GRM2: variants seen among roughly 807,000 people sequenced by gnomAD.
GRM2 encodes the protein metabotropic glutamate receptor 2.
In GRM2, 35 loss-of-function variants were observed where a neutral mutation model predicts 60.4. The observed-to-expected ratio is 0.58, with a 90% CI of 0.44 to 0.77. The LOEUF is 0.77. GRM2 is among the 30% of genes least tolerant of loss of function. The pLI, the probability that GRM2 is intolerant of heterozygous loss-of-function variation, is 0.00. For synonymous variants in GRM2, 437 were observed against 484.1 expected, an observed-to-expected ratio of 0.90 and a Z score of 1.28; for missense variants, 925 against 1,199.5, an observed-to-expected ratio of 0.77 and a Z score of 3.38.
Position 51,717,797 on chromosome 3 carries a change from C to T in GRM2, c.2525C>T (p.Ala842Val), listed in dbSNP as rs148453920. The T allele has an allele frequency of 7.1e-4, 1,144 of 1,613,942 alleles. 4 individuals are homozygous for T. The highest frequency in any genetic ancestry group is 2.6e-3 in the South Asian group (233 of 91,058). Residue 842 changes from alanine to valine, a missense_variant, in exon 5 of 6, where the codon GCC becomes GTC. Transcript: ENST00000395052. This position sits in a 1 kb window ranked among gnomAD's most constrained non-coding sequence, Gnocchi z 6.0. ...TSRFGSAAAR[A>V]SSSLGQGSGS... is the part of the protein sequence containing the mutation. ...CGCTTTGGCAGTGCTGCTGCCAGGG[C>T]CAGCTCCAGCCTTGGCCAAGGTCAG...
At position 51,717,578 on chromosome 3, in the gene GRM2, G is replaced by T. The variant is rs1703947862; in HGVS notation, c.2365-59G>T. ...TCCCTCCCCCACAGATCAGGCAGGG[G>T]GTCCTGGGGTCAGGCCCAGGTCTTG... On this transcript the variant is annotated intron_variant, in intron 4 of 5. Transcript: ENST00000395052. The surrounding 1 kb of genome is among the most constrained non-coding windows in gnomAD (Gnocchi z 6.0). The T allele has an allele frequency of 2.2e-6, 3 of 1,381,342 alleles. No individual in the cohort carries two copies. Among genetic ancestry groups the T allele is most frequent in the Non-Finnish European group, 3.0e-6 (3 of 983,906 alleles). The allele number at this position is 1,381,342 out of a possible 1,614,324, so 85.6% of individuals were successfully genotyped here.
intron 3 of GRM2, 154 bp from the exon 4 acceptor site, chr3:51,714,908 G>A (rs1559695864): frequency 4.2e-6 from 2 of 478,760 alleles, no homozygotes; most frequent in East Asian, 3.3e-5. Context: ...AAAAATGATT[G>A]GGGTCAAGGC....
Position 51,715,610 on chromosome 3 carries a change from G to A in GRM2, c.1837G>A (p.Val613Ile), listed in dbSNP as rs766855976. 6.2e-7 allele frequency: 1 copy of A among 1,614,244 alleles called. No homozygotes were observed. The highest frequency in any genetic ancestry group is 1.1e-5 in the South Asian group (1 of 91,086). ...GCTCTGCTACATCCTGCTGGGTGGT[G>A]TCTTCCTCTGCTACTGCATGACCTT... ...RELCYILLGG[V>I]FLCYCMTFIF... is the part of the protein sequence containing the mutation. The change falls in exon 4 of 6, where the codon GTC becomes ATC. Residue 613 changes from valine (V) to isoleucine (I), a missense_variant. Val to Ile is a conservative substitution (Grantham distance 29). Coordinates refer to ENST00000395052, the MANE Select transcript of GRM2 (RefSeq NM_000839.5). The surrounding 1 kb of genome is among the most constrained non-coding windows in gnomAD (Gnocchi z 9.0).
chr3:51,708,982 C>T lies in GRM2; in HGVS notation c.-2C>T, dbSNP rs1184496773. Reference sequence around the variant, plus strand: ...CGGGACCCATCCATCCCCTTTGGGGCCATGGGATCGCTGCTTGCGCTCCTG... The same window carrying T: ...CGGGACCCATCCATCCCCTTTGGGGTCATGGGATCGCTGCTTGCGCTCCTG... On this transcript the variant is annotated 5_prime_UTR_variant, in exon 2 of 6. Coordinates refer to ENST00000395052, the MANE Select transcript of GRM2 (RefSeq NM_000839.5). 1.9e-6 allele frequency: 3 copies of T among 1,566,114 alleles called. No homozygotes were observed. The African/African-American group carries it at 4.0e-5, about 21-fold the overall frequency.
At position 51,715,204 on chromosome 3, in the gene GRM2, C is replaced by T; in HGVS notation, c.1431C>T (p.Gly477=). ...RYQKVGYWAE[G]LTLDTSLIPW... ...AGAAGGTGGGCTACTGGGCAGAAGG[C>T]TTGACTCTGGACACCAGCCTCATCC... Residue 477 remains glycine, a synonymous_variant, in exon 4 of 6, where the codon GGC becomes GGT. Transcript: ENST00000395052. This position sits in a 1 kb window ranked among gnomAD's most constrained non-coding sequence, Gnocchi z 9.0. The T allele has an allele frequency of 2.5e-6, 4 of 1,613,992 alleles. No homozygotes were observed. Among genetic ancestry groups the T allele is most frequent in the Non-Finnish European group, 3.4e-6 (4 of 1,179,896 alleles).
Position 51,715,369 on chromosome 3 carries a change from G to A in GRM2, c.1596G>A (p.Leu532=). The A allele has an allele frequency of 6.2e-7, 1 of 1,613,754 alleles. No homozygotes were observed. Among genetic ancestry groups the A allele is most frequent in the Non-Finnish European group, 8.5e-7 (1 of 1,180,044 alleles). The change falls in exon 4 of 6, where the codon TTG becomes TTA. Residue 532 remains leucine, a synonymous_variant. Coordinates refer to ENST00000395052, the MANE Select transcript of GRM2 (RefSeq NM_000839.5). The surrounding 1 kb of genome is among the most constrained non-coding windows in gnomAD (Gnocchi z 9.0). ...CGTGCCAGCCCTATGAGTACCGATT[G>A]GACGAATTCACTTGCGCTGATTGTG... ...CIPCQPYEYR[L]DEFTCADCGL... is the part of the protein sequence containing the mutation.
rs575424023 is a variant in GRM2, at chr3:51,713,703, C to T, written c.1288+393C>T. 21 of 278,964 alleles carry T rather than the reference C, an allele frequency of 7.5e-5. No homozygotes were observed. In the Middle Eastern group the frequency reaches 4.0e-3, roughly 53 times the overall value. The allele number at this position is 278,964 out of a possible 1,614,324, so 17.3% of individuals were successfully genotyped here. On this transcript the variant is annotated intron_variant, in intron 3 of 5. Transcript: ENST00000395052. This position sits in a 1 kb window ranked among gnomAD's most constrained non-coding sequence, Gnocchi z 4.8. ...GCATCAGGATGACGCTCTATATTCA[C>T]GGAAAATGTCTTTCTGTCTTTCTTT...
In GRM2 at chr3:51,712,560, T is replaced by C; in HGVS notation, c.538T>C (p.Tyr180His). Residue 180 changes from tyrosine (Y) to histidine (H), a missense_variant, in exon 3 of 6, where the codon TAC becomes CAC. Tyr to His is a moderately conservative substitution (Grantham distance 83). Transcript: ENST00000395052. This position sits in a 1 kb window ranked among gnomAD's most constrained non-coding sequence, Gnocchi z 5.3. The part of the protein sequence containing the change: ...AKLSDKSRYD[Y>H]FARTVPPDFF... ...GCTGAGTGACAAGTCCCGCTATGACTACTTTGCCCGCACAGTGCCTCCTGA... is the reference window on the plus strand; with the variant it reads ...GCTGAGTGACAAGTCCCGCTATGACCACTTTGCCCGCACAGTGCCTCCTGA... 1 of 1,614,148 alleles carries C rather than the reference T, an allele frequency of 6.2e-7. No homozygotes were observed. The highest frequency in any genetic ancestry group is 8.5e-7 in the Non-Finnish European group (1 of 1,180,008).
Position 51,715,735 on chromosome 3 carries a change from C to G in GRM2, c.1962C>G (p.Thr654=), listed in dbSNP as rs1377336122. ...GCTACTCAGCCCTGCTCACCAAGACCAACCGCATTGCACGCATCTTCGGTG... is the reference window on the plus strand; with the variant it reads ...GCTACTCAGCCCTGCTCACCAAGACGAACCGCATTGCACGCATCTTCGGTG... The part of the protein sequence containing the change: ...SVCYSALLTK[T]NRIARIFGGA... Residue 654 remains threonine, a synonymous_variant, in exon 4 of 6, where the codon ACC becomes ACG. Coordinates refer to ENST00000395052, the MANE Select transcript of GRM2 (RefSeq NM_000839.5). This position sits in a 1 kb window ranked among gnomAD's most constrained non-coding sequence, Gnocchi z 9.0. 6.2e-7 allele frequency: 1 copy of G among 1,614,184 alleles called. No homozygotes were observed. Among genetic ancestry groups the G allele is most frequent in the Non-Finnish European group, 8.5e-7 (1 of 1,180,006 alleles).
chr3:51,718,430 C>A lies in GRM2; in HGVS notation c.*318C>A. The A allele has an allele frequency of 2.8e-6, 1 of 353,248 alleles. No homozygotes were observed. The highest frequency in any genetic ancestry group is 5.8e-5 in the East Asian group (1 of 17,160). The allele number at this position is 353,248 out of a possible 1,614,324, so 21.9% of individuals were successfully genotyped here. A position where few individuals can be genotyped will look rare whatever the true frequency, so the allele number is the denominator to read the frequency against. ...TGGCTGAGGACGGCAGGCCCCAGTC[C>A]TAACCAGCAAAGGTGCTTCCAGCCC... is the stretch of plus-strand genomic sequence containing the variant. On this transcript the variant is annotated 3_prime_UTR_variant, in exon 6 of 6. Coordinates refer to ENST00000395052, the MANE Select transcript of GRM2 (RefSeq NM_000839.5). The surrounding 1 kb of genome is among the most constrained non-coding windows in gnomAD (Gnocchi z 4.2).
intron 1 of GRM2, chr3:51,708,366 T>TA (rs1008883697): frequency 3.3e-5 from 5 of 152,236 alleles, no homozygotes; most frequent in African/African-American, 9.7e-5. Context: ...GACTGTCCCT[T>TA]AGAGATGCTT....
In GRM2 at chr3:51,717,985, GCCCT is replaced by G; in HGVS notation, c.2546-51_2546-48del. On this transcript the variant is annotated intron_variant, in intron 5 of 5. Transcript: ENST00000395052. The surrounding 1 kb of genome is among the most constrained non-coding windows in gnomAD (Gnocchi z 6.0). Reference sequence around the variant, plus strand: ...TCACAGCCCTGCTTCCCCACTGCCTGCCCTCCATGGAGGACCTCGGGATTGGCCC... The same window carrying G: ...TCACAGCCCTGCTTCCCCACTGCCTGCCATGGAGGACCTCGGGATTGGCCC... 1 of 1,540,158 alleles carries G rather than the reference GCCCT, an allele frequency of 6.5e-7. No homozygotes were observed. Among genetic ancestry groups the G allele is most frequent in the Non-Finnish European group, 9.0e-7 (1 of 1,112,496 alleles).
In GRM2 at chr3:51,708,851, C is replaced by G. The variant is rs1481108416; in HGVS notation, c.-133C>G. 7.8e-6 allele frequency: 5 copies of G among 642,486 alleles called. No homozygotes were observed. Among genetic ancestry groups the G allele is most frequent in the Non-Finnish European group, 1.0e-5 (4 of 386,232 alleles). The allele number at this position is 642,486 out of a possible 1,614,324, so 39.8% of individuals were successfully genotyped here. A position where few individuals can be genotyped will look rare whatever the true frequency, so the allele number is the denominator to read the frequency against. ...CTGTCTTTCTATCTCTCTGCAGGAG[C>G]TGGGTCCCTTCGCATCTCTCTTCTT... On this transcript the variant is annotated 5_prime_UTR_variant, in exon 2 of 6. Coordinates refer to ENST00000395052, the MANE Select transcript of GRM2 (RefSeq NM_000839.5).
chr3:51,717,924 G>GCAGGAGAGGA lies in GRM2; in HGVS notation c.2546-105_2546-96dup. On this transcript the variant is annotated intron_variant, in intron 5 of 5. Coordinates refer to ENST00000395052, the MANE Select transcript of GRM2 (RefSeq NM_000839.5). The surrounding 1 kb of genome is among the most constrained non-coding windows in gnomAD (Gnocchi z 6.0). ...GTGAGGTGCCCCCCAAATGACACTG[G>GCAGGAGAGGA]CAGGAGAGGACAGGAGAGGGGAGGG... is the stretch of plus-strand genomic sequence containing the variant. The GCAGGAGAGGA allele has an allele frequency of 7.0e-7, 1 of 1,426,204 alleles. No homozygotes were observed. Among genetic ancestry groups the GCAGGAGAGGA allele is most frequent in the Non-Finnish European group, 9.9e-7 (1 of 1,010,002 alleles). 88.3% of individuals were successfully genotyped at this position (1,426,204 alleles called of 1,614,324 possible). A position where few individuals can be genotyped will look rare whatever the true frequency, so the allele number is the denominator to read the frequency against.
chr3:51,707,179 C>T lies in GRM2; in HGVS notation c.-137+12C>T, dbSNP rs1020445242. 6.6e-6 allele frequency: 1 copy of T among 152,440 alleles called. No homozygotes were observed. The highest frequency in any genetic ancestry group is 1.5e-5 in the Non-Finnish European group (1 of 68,024). The allele number at this position is 152,440 out of a possible 1,614,324, so 9.4% of individuals were successfully genotyped here. ...AGCCAGCGCGCCAGGTAGGGTGAGC[C>T]GGTGGTGGTGGTGCCGCTGCCGCTG... On this transcript the variant is annotated intron_variant, in intron 1 of 5. Coordinates refer to ENST00000395052, the MANE Select transcript of GRM2 (RefSeq NM_000839.5).
Position 51,713,734 on chromosome 3 carries a change from T to C in GRM2, c.1288+424T>C. Reference sequence around the variant, plus strand: ...ATGTCTTTCTGTCTTTCTTTTTTCTTTTCTTTCTTTTTTCTTTCTTTCTTT... The same window carrying C: ...ATGTCTTTCTGTCTTTCTTTTTTCTCTTCTTTCTTTTTTCTTTCTTTCTTT... On this transcript the variant is annotated intron_variant, in intron 3 of 5. Coordinates refer to ENST00000395052, the MANE Select transcript of GRM2 (RefSeq NM_000839.5). This position sits in a 1 kb window ranked among gnomAD's most constrained non-coding sequence, Gnocchi z 4.8. 8.2e-6 allele frequency: 2 copies of C among 244,000 alleles called. No homozygotes were observed. The highest frequency in any genetic ancestry group is 9.6e-5 in the South Asian group (2 of 20,938). The allele number at this position is 244,000 out of a possible 1,614,324, so 15.1% of individuals were successfully genotyped here.
rs1703946447 is a variant in GRM2, at chr3:51,717,547, C to T, written c.2365-90C>T. On this transcript the variant is annotated intron_variant, in intron 4 of 5. Coordinates refer to ENST00000395052, the MANE Select transcript of GRM2 (RefSeq NM_000839.5). The surrounding 1 kb of genome is among the most constrained non-coding windows in gnomAD (Gnocchi z 6.0). ...AGCCCAGTGTTGGATGCTTAGTCTC[C>T]CCCACTCCCTCCCCCACAGATCAGG... The T allele has an allele frequency of 2.9e-6, 3 of 1,035,172 alleles. No homozygotes were observed. The highest frequency in any genetic ancestry group is 1.6e-5 in the African/African-American group (1 of 63,468). 64.1% of individuals were successfully genotyped at this position (1,035,172 alleles called of 1,614,324 possible). A position where few individuals can be genotyped will look rare whatever the true frequency, so the allele number is the denominator to read the frequency against.
Position 51,709,284 on chromosome 3 carries a change from C to T in GRM2, c.301C>T (p.Gln101Ter). ...CTCCAAGGACACACATGCGCTGGAGCAGGCACTGGACTTTGTGCGTGCCTC... is the reference window on the plus strand; with the variant it reads ...CTCCAAGGACACACATGCGCTGGAGTAGGCACTGGACTTTGTGCGTGCCTC... ...SCSKDTHALE[Q>*]ALDFVRASLS... Residue 101 changes from glutamine (Q) to a stop codon, truncating the protein, a stop_gained, in exon 2 of 6, where the codon CAG (glutamine) becomes TAG (stop). Transcript: ENST00000395052. LOFTEE classifies it high-confidence loss of function. 6.2e-7 allele frequency: 1 copy of T among 1,604,640 alleles called. No individual in the cohort carries two copies. Among genetic ancestry groups the T allele is most frequent in the Non-Finnish European group, 8.5e-7 (1 of 1,173,324 alleles).
At position 51,712,358 on chromosome 3, in the gene GRM2, C is replaced by T. The variant is rs1383931386; in HGVS notation, c.451-115C>T. 3 of 732,852 alleles carry T rather than the reference C, an allele frequency of 4.1e-6. No individual in the cohort carries two copies. In the African/African-American group the frequency reaches 5.2e-5, roughly 13 times the overall value. The allele number at this position is 732,852 out of a possible 1,614,324, so 45.4% of individuals were successfully genotyped here. A position where few individuals can be genotyped will look rare whatever the true frequency, so the allele number is the denominator to read the frequency against. On this transcript the variant is annotated intron_variant, in intron 2 of 5. Transcript: ENST00000395052. This position sits in a 1 kb window ranked among gnomAD's most constrained non-coding sequence, Gnocchi z 5.3. The stretch of plus-strand genomic sequence containing the variant: ...GGATGCAGGGCTTTAGAGAGGGAGC[C>T]TTTAGGCCTGACCTTGTGGACACTT...
Sources: allele counts gnomAD v4.1 joint callset, GRCh38; gene constraint gnomAD v4.1.1; non-coding constraint Gnocchi (gnomAD v3.1); transcripts MANE v1.5; gene names NCBI Gene and HGNC (gene_info 2026-07-23, HGNC 2026-07-21).